Variants in ILDR2 observed in about 807,000 individuals in gnomAD.
The protein encoded by ILDR2 is immunoglobulin like domain containing receptor 2, also known as immunoglobulin-like domain-containing receptor 2.
Under a neutral mutation model 66.8 loss-of-function variants are expected in ILDR2, and 25 were observed. The ratio of observed to expected loss-of-function variants is 0.37; its 90% CI spans 0.27 to 0.52. The LOEUF (loss-of-function observed/expected upper bound fraction) is 0.52, where lower values mean the gene tolerates loss of function less well. Among genes scored for constraint, ILDR2 ranks in the 20% least tolerant of loss-of-function variants. The probability of loss-of-function intolerance (pLI) is 0.88; values close to 1 mark genes in which losing one functional copy is unlikely to be tolerated. For missense variants in ILDR2, 827 were observed against 876.8 expected, an observed-to-expected ratio of 0.94 and a Z score of 0.72; for synonymous variants, 367 against 357.2, an observed-to-expected ratio of 1.03 and a Z score of -0.31.
At chr1:166,905,099 T>C (rs1298464513), downstream of ILDR2, among the ~76,000 whole-genome samples, 1 of 152,242 alleles carries the variant, frequency 6.6e-6, no homozygotes, top group Non-Finnish European at 1.5e-5. Context: ...ATTGTATTCA[T>C]AATAAAAGTT....
rs1037112836 is a variant in ILDR2, at chr1:166,936,967, T to A, written c.557-230A>T. ...AGGGAAGAAGGTTATCTATGTTACA[T>A]TGGGTACATGTAATAATCGGCACAA... is the stretch of plus-strand genomic sequence containing the variant. On this transcript the variant is annotated intron_variant, in intron 4 of 9. Transcript: ENST00000271417. This position sits in a 1 kb window ranked among gnomAD's most constrained non-coding sequence, Gnocchi z 5.0. Among the ~76,000 whole-genome samples, 1 of 152,008 alleles carries A rather than the reference T, an allele frequency of 6.6e-6. No individual in the cohort carries two copies. Among genetic ancestry groups the A allele is most frequent in the Non-Finnish European group, 1.5e-5 (1 of 68,002 alleles).
chr1:166,900,052 G>A (rs1343831267), intron 2 of ILDR2, among the ~76,000 whole-genome samples: 1 of 152,098 alleles, frequency 6.6e-6, no homozygotes, highest in Non-Finnish European at 1.5e-5. Flanking sequence ...AGACACCCAG[G>A]TCATTCAAAT....
chr1:166,953,916 G>A (rs1031208333), intron 3 of ILDR2, among the ~76,000 whole-genome samples: 2 of 152,180 alleles, frequency 1.3e-5, no homozygotes, highest in East Asian at 1.9e-4. Context: ...GTCTCCAGTT[G>A]TTAATGTTAG....
rs548042515 is a variant in ILDR2, at chr1:166,921,973, C to T, written c.1212-594G>A. Among the ~76,000 whole-genome samples the T allele has an allele frequency of 6.6e-4, 101 of 152,268 alleles. No homozygotes were observed. The highest frequency in any genetic ancestry group is 2.1e-3 in the African/African-American group (87 of 41,562). On this transcript the variant is annotated intron_variant, in intron 8 of 9. Transcript: ENST00000271417. This position sits in a 1 kb window ranked among gnomAD's most constrained non-coding sequence, Gnocchi z 5.3. ...GCCTCCCACAATTGTTGTGGGAGGC[C>T]ACATCACCTGGGTAAGTGCCTTAGC...
intron 7 of ILDR2, among the ~76,000 whole-genome samples, chr1:166,926,705 T>TC (rs1363627837): frequency 1.3e-5 from 2 of 151,616 alleles, no homozygotes. Flanking sequence ...TCCCTTCTAC[T>TC]CCTTTTAAAA....
At chr1:166,926,124 T>C (rs1278360826) in intron 7 of ILDR2, among the ~76,000 whole-genome samples, 3 of 152,196 alleles carry the variant, frequency 2.0e-5, no homozygotes, top group African/African-American at 7.2e-5. Context: ...GTCCTTAATC[T>C]GAATAAAGCT....
intron 2 of ILDR2, among the ~76,000 whole-genome samples, chr1:166,902,897 A>AT (rs759302601): frequency 1.5e-4 from 22 of 151,384 alleles, no homozygotes; most frequent in Admixed American, 3.9e-4. Context: ...CCTAGGAATC[A>AT]TTTTTTTTTC....
chr1:166,899,979 C>T lies in ILDR2; in HGVS notation n.172-3878G>A, dbSNP rs59507369. ...ACAGTTGATGTCATCTGGGAGGCTGCTAGAAATGCAGAATCTCAGGCCCCA... is the reference window on the plus strand; with the variant it reads ...ACAGTTGATGTCATCTGGGAGGCTGTTAGAAATGCAGAATCTCAGGCCCCA... On this transcript the variant is annotated intron_variant and non_coding_transcript_variant, in intron 2 of 2. Coordinates refer to the ILDR2 transcript ENST00000414590. 6.9e-3 allele frequency among the ~76,000 whole-genome samples: 1,047 copies of T among 152,300 alleles called. 10 individuals are homozygous for T. Among genetic ancestry groups the T allele is most frequent in the African/African-American group, 0.024 (1,005 of 41,550 alleles).
At position 166,936,236 on chromosome 1, in the gene ILDR2, C is replaced by T. The variant is rs72707826; in HGVS notation, c.703+355G>A. Among the ~76,000 whole-genome samples, 1,770 of 152,182 alleles carry T rather than the reference C, an allele frequency of 0.012. 24 individuals are homozygous for T. Among genetic ancestry groups the T allele is most frequent in the Admixed American group, 0.043 (663 of 15,292 alleles). ...GGAACTTCTCTGCATGGGAAGGGAA[C>T]GACCAGAGAAGGTTTCCTCTAGTTT... On this transcript the variant is annotated intron_variant, in intron 5 of 9. Transcript: ENST00000271417. The surrounding 1 kb of genome is among the most constrained non-coding windows in gnomAD (Gnocchi z 5.0).
intron 9 of ILDR2, 113 bp from the exon 10 acceptor site, chr1:166,919,503 C>G (rs1052667679): frequency 6.6e-6 from 6 of 906,150 alleles, no homozygotes; most frequent in Non-Finnish European, 1.0e-5. Flanking sequence ...CCAGGCACCC[C>G]TGATTCTCAG....
chr1:166,902,392 C>G (rs913748120), intron 2 of ILDR2, among the ~76,000 whole-genome samples: 5 of 152,232 alleles, frequency 3.3e-5, no homozygotes, highest in African/African-American at 1.2e-4. Flanking sequence ...AGCTATGACT[C>G]AGAGAGCAGT....
chr1:166,940,390 G>A (rs1159525993), intron 3 of ILDR2, among the ~76,000 whole-genome samples: 1 of 152,156 alleles, frequency 6.6e-6, no homozygotes, highest in Non-Finnish European at 1.5e-5. Context: ...CTTTCATCAT[G>A]TTCTCATATC....
chr1:166,945,850 T>C (rs1299492601), intron 3 of ILDR2, among the ~76,000 whole-genome samples: 1 of 152,254 alleles, frequency 6.6e-6, no homozygotes, highest in Non-Finnish European at 1.5e-5. Flanking sequence ...GCCAACACAC[T>C]ATACAGATGA....
In ILDR2 at chr1:166,935,365, C is replaced by T. The variant is rs1660886550; in HGVS notation, c.816G>A (p.Met272Ile). The T allele has an allele frequency of 6.2e-7, 1 of 1,613,944 alleles. No homozygotes were observed. Among genetic ancestry groups the T allele is most frequent in the Non-Finnish European group, 8.5e-7 (1 of 1,180,028 alleles). The change falls in exon 6 of 10, where the codon ATG becomes ATA. Residue 272 changes from methionine (M) to isoleucine (I), a missense_variant. Around this residue, in one of 2 missense-constraint regions of ILDR2, gnomAD observed 437 missense variants for 523.2 expected, o/e 0.84. Coordinates refer to ENST00000271417, the MANE Select transcript of ILDR2 (RefSeq NM_199351.3). ...VPLGGAPSSG[M>I]LMDKPHPPPL... is the part of the protein sequence containing the mutation. ...GAGGTGGATGCGGCTTGTCCATCAG[C>T]ATGCCAGATGAGGGGGCTCCTCCCA...
At chr1:166,924,189 T>C (rs1660136082) in intron 7 of ILDR2, among the ~76,000 whole-genome samples, 1 of 152,224 alleles carries the variant, frequency 6.6e-6, no homozygotes, top group Non-Finnish European at 1.5e-5. Flanking sequence ...TTTTCTTCCA[T>C]CTAAGAAGAA....
intron 1 of ILDR2, among the ~76,000 whole-genome samples, chr1:166,967,557 T>C (rs1466264061): frequency 1.3e-5 from 2 of 152,088 alleles, no homozygotes; most frequent in African/African-American, 4.8e-5. Flanking sequence ...AGGAGTTCGA[T>C]ACCAGCCTGG....
intron 6 of ILDR2, among the ~76,000 whole-genome samples, chr1:166,934,559 G>A (rs1186319489): frequency 1.3e-5 from 2 of 152,134 alleles, no homozygotes; most frequent in African/African-American, 4.8e-5. Context: ...TCAGGAGCCT[G>A]CCCACAGTGG....
chr1:166,910,137 T>G lies in ILDR2; in HGVS notation c.*9218A>C, dbSNP rs1310651150. The G allele has an allele frequency of 6.6e-6, 1 of 152,072 alleles. No homozygotes were observed. The highest frequency in any genetic ancestry group is 2.4e-5 in the African/African-American group (1 of 41,424). The allele number at this position is 152,072 out of a possible 1,614,324, so 9.4% of individuals were successfully genotyped here. On this transcript the variant is annotated 3_prime_UTR_variant, in exon 10 of 10. Coordinates refer to ENST00000271417, the MANE Select transcript of ILDR2 (RefSeq NM_199351.3). ...TTTGCTTGTTAAAGAGAAACTGGCT[T>G]CACCATAATTCTGCAGAATCAGAGT...
At chr1:166,950,138 T>C (rs953538294) in intron 3 of ILDR2, among the ~76,000 whole-genome samples, 1 of 152,212 alleles carries the variant, frequency 6.6e-6, no homozygotes, top group Admixed American at 6.5e-5. Context: ...GCCTCCAAAT[T>C]TATGGCGAAA....
Sources: gnomAD v4.1 joint callset for allele counts (sites outside exome capture counted in the v4.1 genomes callset) on GRCh38, gnomAD v4.1.1 for gene constraint, gnomAD v4.1.1 regional missense constraint, Gnocchi (gnomAD v3.1) non-coding constraint, MANE v1.5 for transcripts, NCBI Gene and HGNC (gene_info 2026-07-23, HGNC 2026-07-21) for gene names.